The following ADAMTS17 variants were observed in gnomAD, a reference collection of about 807,000 sequenced individuals.
ADAMTS17 encodes the protein A disintegrin and metalloproteinase with thrombospondin motifs 17.
A neutral mutation model predicts 141.5 loss-of-function variants in ADAMTS17; 113 were observed. The ratio of observed to expected loss-of-function variants is 0.80; its 90% CI spans 0.69 to 0.93. ADAMTS17 has a LOEUF of 0.93. Among genes scored for constraint, ADAMTS17 ranks in the 40% least tolerant of loss-of-function variants. The probability of loss-of-function intolerance (pLI) is 0.00; values close to 1 mark genes in which losing one functional copy is unlikely to be tolerated. For missense variants in ADAMTS17, 1,659 were observed against 1,517.9 expected (o/e 1.09, Z -1.54); for synonymous variants, 768 against 630.6 (o/e 1.22, Z -3.27).
At position 100,079,860 on chromosome 15, in the gene ADAMTS17, G is replaced by C. The variant is rs192347941; in HGVS notation, c.2137+16496C>G. ...CTCACTTTACAGCTAAAGAGGTGTG[G>C]CAGTGGGCTTATGCTCATGGAATTC... is the stretch of plus-strand genomic sequence containing the variant. On this transcript the variant is annotated intron_variant, in intron 15 of 21. Transcript: ENST00000268070. Among the ~76,000 whole-genome samples, 17 of 152,252 alleles carry C rather than the reference G, an allele frequency of 1.1e-4. No homozygotes were observed. The East Asian group carries it at 3.3e-3, about 29-fold the overall frequency.
chr15:100,096,482 G>C lies in ADAMTS17; in HGVS notation c.2017-6C>G, dbSNP rs757275773. ...ATGCCGTCACAGCCGATTTTCTAAA[G>C]AACCAGAGGGCCTCATTATTCTGTG... On this transcript the variant is annotated splice_region_variant and splice_polypyrimidine_tract_variant and intron_variant, in intron 14 of 21. Transcript: ENST00000268070. 51 of 1,614,100 alleles carry C rather than the reference G, an allele frequency of 3.2e-5. No homozygotes were observed. Among genetic ancestry groups the C allele is most frequent in the Non-Finnish European group, 3.7e-5 (44 of 1,180,020 alleles).
chr15:100,188,451 A>T (rs987866139), intron 8 of ADAMTS17, among the ~76,000 whole-genome samples: 1 of 151,622 alleles, frequency 6.6e-6, no homozygotes, highest in African/African-American at 2.4e-5. Context: ...ATTTTTAGGG[A>T]GAGTCTGACA....
At chr15:100,125,600 T>C (rs982743299) in intron 12 of ADAMTS17, among the ~76,000 whole-genome samples, 1 of 151,768 alleles carries the variant, frequency 6.6e-6, no homozygotes, top group African/African-American at 2.4e-5. Context: ...TCCTCTCCCC[T>C]CCCTCCCCAG....
In ADAMTS17 at chr15:100,149,697, G is replaced by A. The variant is rs183505377; in HGVS notation, c.1473+2915C>T. 2.7e-3 allele frequency among the ~76,000 whole-genome samples: 412 copies of A among 152,284 alleles called. 2 individuals carry two copies. Among genetic ancestry groups the A allele is most frequent in the Non-Finnish European group, 5.0e-3 (339 of 68,032 alleles). The stretch of plus-strand genomic sequence containing the variant: ...CAAAAGGGGAATAACACAGCAGTAG[G>A]GGCTACCTGAGTCAGGAGTAAGAAC... On this transcript the variant is annotated intron_variant, in intron 10 of 21. Transcript: ENST00000268070.
At chr15:100,319,288 C>T (rs2045656968) in intron 3 of ADAMTS17, among the ~76,000 whole-genome samples, 1 of 152,188 alleles carries the variant, frequency 6.6e-6, no homozygotes, top group Non-Finnish European at 1.5e-5. Context: ...GAGGGCCTAC[C>T]TTGAAAGTCC....
intron 8 of ADAMTS17, among the ~76,000 whole-genome samples, chr15:100,179,052 C>G (rs2040433517): frequency 6.6e-6 from 1 of 152,098 alleles, no homozygotes; most frequent in African/African-American, 2.4e-5. Context: ...ATAATTATAT[C>G]AGGGCAAACG....
At chr15:100,195,258 C>G (rs961986792) in intron 8 of ADAMTS17, among the ~76,000 whole-genome samples, 1 of 152,204 alleles carries the variant, frequency 6.6e-6, no homozygotes, top group African/African-American at 2.4e-5. Flanking sequence ...CCAGGACTTG[C>G]CATCCCCCAG....
chr15:100,130,327 G>A (rs529054907), intron 12 of ADAMTS17, among the ~76,000 whole-genome samples: 11 of 148,686 alleles, frequency 7.4e-5, no homozygotes, highest in South Asian at 4.3e-4. Context: ...CTGGGCCACC[G>A]CACTCCAGCC....
intron 3 of ADAMTS17, among the ~76,000 whole-genome samples, chr15:100,328,817 G>A (rs1282225108): frequency 2.0e-5 from 3 of 152,240 alleles, no homozygotes; most frequent in East Asian, 3.9e-4. Flanking sequence ...CTACAAGCAC[G>A]CTGAGTTCTG....
chr15:100,303,880 G>C (rs1416232129), intron 3 of ADAMTS17, among the ~76,000 whole-genome samples: 1 of 151,936 alleles, frequency 6.6e-6, no homozygotes, highest in Non-Finnish European at 1.5e-5. Context: ...ATGCCGCCAC[G>C]CCCGGCTAAT....
intron 18 of ADAMTS17, 26 bp downstream of exon 18, chr15:100,048,831 C>G: frequency 6.2e-7 from 1 of 1,614,066 alleles, no homozygotes; most frequent in Non-Finnish European, 8.5e-7. Flanking sequence ...TCTGGTGGGT[C>G]CAAGCTACAG....
intron 3 of ADAMTS17, among the ~76,000 whole-genome samples, chr15:100,315,569 C>T (rs11638887): frequency 0.084 from 12,727 of 152,234 alleles, 608 homozygotes; most frequent in Non-Finnish European, 0.1. Context: ...GCTGTGATGG[C>T]TCACACCTAT....
At chr15:100,005,286 A>T (rs2573665) in intron 18 of ADAMTS17, among the ~76,000 whole-genome samples, 9,141 of 152,252 alleles carry the variant, frequency 0.06, 798 homozygotes, top group African/African-American at 0.19. Flanking sequence ...TAATGGCTCA[A>T]AATAACACAG....
In ADAMTS17 at chr15:100,172,108, G is replaced by C. The variant is rs186296160; in HGVS notation, c.1182-16788C>G. Among the ~76,000 whole-genome samples the C allele has an allele frequency of 2.9e-3, 446 of 152,306 alleles. 3 individuals are homozygous for C. Among genetic ancestry groups the C allele is most frequent in the African/African-American group, 0.01 (428 of 41,566 alleles). ...TAGGGAGACAGGACAGAATTTCAGA[G>C]GCAAAGTCTAGAACCTTAATACCAG... On this transcript the variant is annotated intron_variant, in intron 8 of 21. Transcript: ENST00000268070.
chr15:100,280,515 C>T (rs1247927640), intron 4 of ADAMTS17, among the ~76,000 whole-genome samples: 2 of 152,190 alleles, frequency 1.3e-5, no homozygotes, highest in African/African-American at 4.8e-5. Flanking sequence ...CCCTCCCCTT[C>T]AGTGGTCCCA....
intron 3 of ADAMTS17, among the ~76,000 whole-genome samples, chr15:100,315,699 G>C (rs1596505552): frequency 6.6e-6 from 1 of 152,016 alleles, no homozygotes. Context: ...AAATTACAGA[G>C]GCCTAAAAAT....
At chr15:100,341,780 G>T (rs1404746776) in intron 1 of ADAMTS17, 41 bp downstream of exon 1, 1 of 1,541,284 alleles carries the variant, frequency 6.5e-7, no homozygotes, top group South Asian at 1.2e-5. Context: ...GAAGGTAGCC[G>T]CAGGACGCGG....
intron 7 of ADAMTS17, among the ~76,000 whole-genome samples, chr15:100,238,070 G>A (rs1043771828): frequency 6.6e-5 from 10 of 152,210 alleles, no homozygotes; most frequent in African/African-American, 2.2e-4. Flanking sequence ...CTGTGGGACA[G>A]CCACTCACCC....
intron 20 of ADAMTS17, among the ~76,000 whole-genome samples, chr15:99,984,530 G>T (rs1219532146): frequency 6.6e-6 from 1 of 152,192 alleles, no homozygotes; most frequent in African/African-American, 2.4e-5. Flanking sequence ...TGCCCCAGAT[G>T]GTGATTGTGA....
Sources: gnomAD v4.1 joint callset for allele counts (sites outside exome capture counted in the v4.1 genomes callset) on GRCh38, gnomAD v4.1.1 for gene constraint, MANE v1.5 for transcripts, NCBI Gene and HGNC (gene_info 2026-07-23, HGNC 2026-07-21) for gene names.